Variants in NPFFR2 observed in about 807,000 individuals in gnomAD.
NPFFR2 encodes the protein G-protein coupled receptor 74.
In NPFFR2, 15 loss-of-function variants were observed where a neutral mutation model predicts 13.1. The ratio of observed to expected loss-of-function variants is 1.15; its 90% CI spans 0.77 to 1.76. The LOEUF is 1.76. NPFFR2 is among the 40% of genes most tolerant of loss of function. The pLI, the probability that NPFFR2 is intolerant of heterozygous loss-of-function variation, is 0.00. For missense variants in NPFFR2, 572 were observed against 503.5 expected (o/e 1.14, Z -1.30); for synonymous variants, 190 against 175.7 (o/e 1.08, Z -0.65).
At chr4:72,102,527 T>TC in intron 1 of NPFFR2, among the ~76,000 whole-genome samples, 1 of 50,830 alleles carries the variant, frequency 2.0e-5, no homozygotes, top group Non-Finnish European at 3.8e-5. Flanking sequence ...CCCTCCCCCC[T>TC]CCCCCCACCC....
At chr4:72,076,837 A>G (rs1720454557) in intron 1 of NPFFR2, among the ~76,000 whole-genome samples, 1 of 152,174 alleles carries the variant, frequency 6.6e-6, no homozygotes, top group African/African-American at 2.4e-5. Flanking sequence ...ACTTTCACAC[A>G]GTATATCTGT....
chr4:72,143,132 A>G (rs1157073059), intron 3 of NPFFR2, among the ~76,000 whole-genome samples: 1 of 152,182 alleles, frequency 6.6e-6, no homozygotes, highest in Non-Finnish European at 1.5e-5. Context: ...TGGCATTGAA[A>G]TAGGAGGCAC....
chr4:72,068,410 A>AT (rs767127344), intron 1 of NPFFR2, among the ~76,000 whole-genome samples: 5 of 152,204 alleles, frequency 3.3e-5, no homozygotes, highest in African/African-American at 7.2e-5. Context: ...GCTTAGTCCC[A>AT]TTTATTAGAA....
chr4:72,042,575 C>A (rs1719252229), intron 1 of NPFFR2, among the ~76,000 whole-genome samples: 1 of 152,092 alleles, frequency 6.6e-6, no homozygotes, highest in Non-Finnish European at 1.5e-5. Context: ...GTGATATGGA[C>A]AATAATGTCC....
intron 1 of NPFFR2, among the ~76,000 whole-genome samples, chr4:72,096,117 G>A (rs1721065574): frequency 6.6e-6 from 1 of 152,270 alleles, no homozygotes; most frequent in South Asian, 2.1e-4. Context: ...ACTGTGGATA[G>A]TTTAACATTC....
Position 72,044,962 on chromosome 4 carries a change from T to C in NPFFR2, c.-8+12762T>C, listed in dbSNP as rs906252264. Among the ~76,000 whole-genome samples the C allele has an allele frequency of 5.9e-5, 9 of 152,286 alleles. No individual in the cohort carries two copies. In the East Asian group the frequency reaches 1.5e-3, roughly 26 times the overall value. ...GTGTTGAGGTCTTAGCCATAAAATC[T>C]CTGCCTAGACAAATATTCTGAATTG... On this transcript the variant is annotated intron_variant, in intron 1 of 3. Transcript: ENST00000308744.
intron 3 of NPFFR2, among the ~76,000 whole-genome samples, chr4:72,142,642 A>G (rs891306092): frequency 6.6e-6 from 1 of 152,212 alleles, no homozygotes; most frequent in Admixed American, 6.5e-5. Context: ...AAACTATTGA[A>G]TTTTCCATAC....
chr4:72,079,087 C>CACACACACACACACACACACACACAT (rs1553890218), intron 1 of NPFFR2, among the ~76,000 whole-genome samples: 1 of 143,238 alleles, frequency 7.0e-6, no homozygotes, highest in African/African-American at 2.5e-5. Flanking sequence ...CACACACACA[C>CACACACACACACACACACACACACAT]ATCTGTTGAA....
intron 1 of NPFFR2, among the ~76,000 whole-genome samples, chr4:72,061,422 G>A (rs1003241581): frequency 6.6e-6 from 1 of 152,162 alleles, no homozygotes; most frequent in Non-Finnish European, 1.5e-5. Context: ...TAGTGGTTAA[G>A]AGAATGGGCT....
At chr4:72,104,122 G>A (rs1721344674) in intron 1 of NPFFR2, among the ~76,000 whole-genome samples, 1 of 151,910 alleles carries the variant, frequency 6.6e-6, no homozygotes, top group African/African-American at 2.4e-5. Context: ...CTGCCCAGTG[G>A]GATCTCAGCT....
At chr4:72,116,155 A>G (rs546686859) in intron 1 of NPFFR2, among the ~76,000 whole-genome samples, 1 of 152,270 alleles carries the variant, frequency 6.6e-6, no homozygotes, top group African/African-American at 2.4e-5. Flanking sequence ...ATCAAACTTT[A>G]ATGTTTGTAC....
intron 1 of NPFFR2, among the ~76,000 whole-genome samples, chr4:72,119,919 G>C (rs36086844): frequency 6.6e-6 from 1 of 152,016 alleles, no homozygotes; most frequent in South Asian, 2.1e-4. Context: ...CCAGGAGCCC[G>C]AGTGAGACAG....
intron 1 of NPFFR2, among the ~76,000 whole-genome samples, chr4:72,067,981 A>T (rs958759711): frequency 1.7e-4 from 26 of 152,200 alleles, no homozygotes; most frequent in African/African-American, 6.3e-4. Context: ...AGCCCTCATC[A>T]GAATCACCCT....
At chr4:72,062,934 A>C (rs1312808675) in intron 1 of NPFFR2, among the ~76,000 whole-genome samples, 2 of 83,036 alleles carry the variant, frequency 2.4e-5, no homozygotes, top group Admixed American at 1.5e-4. Flanking sequence ...TTTCTAGGAG[A>C]CTTTTGAGAA....
chr4:72,099,805 G>A (rs568490807), intron 1 of NPFFR2, among the ~76,000 whole-genome samples: 6 of 152,156 alleles, frequency 3.9e-5, no homozygotes, highest in African/African-American at 1.4e-4. Context: ...ACTTTACTAT[G>A]GTTTAGTGGT....
intron 1 of NPFFR2, among the ~76,000 whole-genome samples, chr4:72,120,577 C>T (rs143941179): frequency 4.9e-3 from 750 of 152,312 alleles, no homozygotes; most frequent in Middle Eastern, 0.014. Flanking sequence ...GTAATCTTTG[C>T]TGTTCTGCAG....
intron 1 of NPFFR2, among the ~76,000 whole-genome samples, chr4:72,090,202 A>G (rs1720879317): frequency 6.6e-6 from 1 of 152,102 alleles, no homozygotes; most frequent in Admixed American, 6.6e-5. Flanking sequence ...TTATACAAGT[A>G]CCATGCTGTT....
At chr4:72,064,954 T>G (rs1160727874) in intron 1 of NPFFR2, among the ~76,000 whole-genome samples, 2 of 152,102 alleles carry the variant, frequency 1.3e-5, no homozygotes, top group Non-Finnish European at 2.9e-5. Flanking sequence ...GGAGGGATGC[T>G]TGCAGCCTAA....
chr4:72,107,782 G>A (rs895196724), intron 1 of NPFFR2, among the ~76,000 whole-genome samples: 26 of 151,818 alleles, frequency 1.7e-4, no homozygotes, highest in African/African-American at 6.3e-4. Context: ...TTACCTCCTT[G>A]AAAATAATAT....
Sources: allele counts gnomAD v4.1 joint callset (sites outside exome capture counted in the v4.1 genomes callset), GRCh38; gene constraint gnomAD v4.1.1; transcripts MANE v1.5; gene names NCBI Gene and HGNC (gene_info 2026-07-23, HGNC 2026-07-21).